STK10: variants seen among roughly 807,000 people sequenced by gnomAD.
STK10 encodes serine/threonine kinase 10, also known as serine/threonine-protein kinase 10.
A neutral mutation model predicts 113.8 loss-of-function variants in STK10; 78 were observed. That is an observed-to-expected ratio of 0.69 (90% CI 0.57 to 0.83). The LOEUF (loss-of-function observed/expected upper bound fraction) is 0.83. Ranked by LOEUF, STK10 falls within the 40% of genes least tolerant of loss-of-function variation. STK10 has a pLI of 0.00. For synonymous variants in STK10, 465 were observed against 494.7 expected (o/e 0.94, Z 0.80); for missense variants, 1,109 against 1,280.1 (o/e 0.87, Z 2.04).
In STK10 at chr5:172,064,383, A is replaced by G. The variant is rs1482040159; in HGVS notation, c.2082+337T>C. 6 of 299,518 alleles carry G rather than the reference A, an allele frequency of 2.0e-5. No homozygotes were observed. The East Asian group carries it at 3.9e-4, about 19-fold the overall frequency. The allele number at this position is 299,518 out of a possible 1,614,324, so 18.6% of individuals were successfully genotyped here. A position where few individuals can be genotyped will look rare whatever the true frequency, so the allele number is the denominator to read the frequency against. On this transcript the variant is annotated intron_variant, in intron 13 of 18. Coordinates refer to ENST00000176763, the MANE Select transcript of STK10 (RefSeq NM_005990.4). ...TGTCCTTCAGACTTAAAAGATGCCAAGTGGGCAGGGGAATATACTGGGTTG... is the reference window on the plus strand; with the variant it reads ...TGTCCTTCAGACTTAAAAGATGCCAGGTGGGCAGGGGAATATACTGGGTTG...
At chr5:172,130,532 A>G (rs75160454) in intron 2 of STK10, among the ~76,000 whole-genome samples, 1 of 70,930 alleles carries the variant, frequency 1.4e-5, no homozygotes. Flanking sequence ...CTCTGTCTCC[A>G]AAAAAAAAAA....
At chr5:172,072,273 T>TC (rs1217488561) in intron 12 of STK10, among the ~76,000 whole-genome samples, 1 of 139,298 alleles carries the variant, frequency 7.2e-6, no homozygotes, top group African/African-American at 3.0e-5. Flanking sequence ...TCTTTTCTTT[T>TC]CTTTTTTTTT....
At chr5:172,186,242 C>T (rs1326297360) in intron 1 of STK10, among the ~76,000 whole-genome samples, 1 of 152,018 alleles carries the variant, frequency 6.6e-6, no homozygotes, top group Non-Finnish European at 1.5e-5. Flanking sequence ...AACCACCGCA[C>T]TCCAGCTTGG....
chr5:172,110,696 G>A (rs1769219771), intron 4 of STK10, among the ~76,000 whole-genome samples: 1 of 152,152 alleles, frequency 6.6e-6, no homozygotes, highest in Non-Finnish European at 1.5e-5. Flanking sequence ...CAGGAGACGG[G>A]CAGGGCAGTT....
chr5:172,156,849 C>A, intron 1 of STK10, 61 bp from the exon 2 acceptor site: 3 of 1,560,556 alleles, frequency 1.9e-6, no homozygotes, highest in South Asian at 1.2e-5. Flanking sequence ...GACCTTTGGA[C>A]GTGAGCCCGC....
chr5:172,117,702 C>A, intron 3 of STK10, 72 bp from the exon 4 acceptor site: 2 of 1,583,248 alleles, frequency 1.3e-6, no homozygotes, highest in South Asian at 1.1e-5. Flanking sequence ...CAGGCCCACG[C>A]CAGGGAGAAA....
chr5:172,169,269 T>C (rs765285592), intron 1 of STK10, among the ~76,000 whole-genome samples: 2 of 152,022 alleles, frequency 1.3e-5, no homozygotes, highest in Non-Finnish European at 2.9e-5. Context: ...CTGTGATCTC[T>C]GAAAGGCTCA....
chr5:172,178,859 G>A lies in STK10; in HGVS notation c.156+9028C>T, dbSNP rs572252293. Among the ~76,000 whole-genome samples, 8 of 152,358 alleles carry A rather than the reference G, an allele frequency of 5.3e-5. No individual in the cohort carries two copies. In the South Asian group the frequency reaches 1.7e-3, roughly 32 times the overall value. On this transcript the variant is annotated intron_variant, in intron 1 of 18. Coordinates refer to ENST00000176763, the MANE Select transcript of STK10 (RefSeq NM_005990.4). ...CCATTATGCCTCCCTCCCCCATGGA[G>A]CATGTGGCAACGTCTGGGGACACTT...
At chr5:172,127,162 ACT>A (rs199721835) in intron 3 of STK10, among the ~76,000 whole-genome samples, 2,391 of 152,068 alleles carry the variant, frequency 0.016, 61 homozygotes, top group Non-Finnish European at 0.017. Context: ...ACAGAGCAAG[ACT>A]CTGTCTCAAA....
intron 7 of STK10, 117 bp downstream of exon 7, chr5:172,105,539 A>G (rs1319313282): frequency 4.2e-5 from 46 of 1,104,652 alleles, no homozygotes; most frequent in Non-Finnish European, 6.0e-5. Flanking sequence ...GCTGATGGAC[A>G]AACAGCTGTC....
At chr5:172,068,199 G>C (rs943731056) in intron 12 of STK10, among the ~76,000 whole-genome samples, 1 of 152,078 alleles carries the variant, frequency 6.6e-6, no homozygotes, top group Non-Finnish European at 1.5e-5. Context: ...AAATTAGCTG[G>C]GTATGGTGAC....
intron 2 of STK10, among the ~76,000 whole-genome samples, chr5:172,153,878 T>G (rs796775130): frequency 5.3e-5 from 8 of 152,364 alleles, no homozygotes; most frequent in African/African-American, 1.9e-4. Flanking sequence ...AGGACTCCTA[T>G]GCATTCTGCA....
intron 2 of STK10, among the ~76,000 whole-genome samples, chr5:172,141,147 A>G (rs1174755351): frequency 6.6e-6 from 1 of 152,218 alleles, no homozygotes; most frequent in African/African-American, 2.4e-5. Flanking sequence ...TACTGGGCAT[A>G]AAGTTTCAGT....
chr5:172,149,522 CTGTG>C (rs367896863), intron 2 of STK10, among the ~76,000 whole-genome samples: 12 of 136,496 alleles, frequency 8.8e-5, no homozygotes, highest in Admixed American at 3.6e-4. Flanking sequence ...GTGTGTGTGT[CTGTG>C]TGTGTGTGTG....
intron 2 of STK10, among the ~76,000 whole-genome samples, chr5:172,142,592 A>T (rs1003768648): frequency 6.6e-6 from 1 of 150,512 alleles, no homozygotes; most frequent in Non-Finnish European, 1.5e-5. Context: ...TCTCACACTC[A>T]CTATTTGAGG....
intron 1 of STK10, among the ~76,000 whole-genome samples, chr5:172,164,840 C>T (rs557676349): frequency 2.6e-4 from 39 of 152,374 alleles, no homozygotes; most frequent in African/African-American, 5.3e-4. Context: ...TCTCTCCCAG[C>T]GGCTGAAGCA....
chr5:172,184,907 C>T (rs900567354), intron 1 of STK10, among the ~76,000 whole-genome samples: 6 of 152,078 alleles, frequency 3.9e-5, no homozygotes, highest in African/African-American at 9.7e-5. Context: ...GTGATCCACC[C>T]GCCTCGGCCT....
intron 4 of STK10, among the ~76,000 whole-genome samples, chr5:172,109,969 G>A (rs879698361): frequency 1.3e-4 from 20 of 152,260 alleles, no homozygotes; most frequent in Non-Finnish European, 2.5e-4. Flanking sequence ...CTTGCAACGT[G>A]AAACAAGGAG....
chr5:172,075,984 T>G (rs1768295398), intron 12 of STK10, among the ~76,000 whole-genome samples: 1 of 138,996 alleles, frequency 7.2e-6, no homozygotes, highest in Admixed American at 6.9e-5. Flanking sequence ...CAGCAGCTAT[T>G]CTTGTCTCTT....
Sources: allele counts gnomAD v4.1 joint callset (sites outside exome capture counted in the v4.1 genomes callset), GRCh38; gene constraint gnomAD v4.1.1; transcripts MANE v1.5; gene names NCBI Gene and HGNC (gene_info 2026-07-23, HGNC 2026-07-21).